WDR64: variants seen among roughly 807,000 people sequenced by gnomAD.
The protein encoded by WDR64 is WD repeat domain 64.
WDR64 carries 112 observed loss-of-function variants against 139.3 expected under a neutral mutation model. The ratio of observed to expected loss-of-function variants is 0.80; its 90% CI spans 0.69 to 0.94. The LOEUF is 0.94. Among genes scored for constraint, WDR64 ranks in the 40% least tolerant of loss-of-function variants. The pLI is 0.00. For missense variants in WDR64, 1,206 were observed against 1,293.1 expected (o/e 0.93, Z 1.03); for synonymous variants, 444 against 437.7 (o/e 1.01, Z -0.18).
At chr1:241,671,052 T>C (rs921101878) in intron 2 of WDR64, 22 bp from the exon 3 acceptor site, 1 of 1,473,284 alleles carries the variant, frequency 6.8e-7, no homozygotes, top group Non-Finnish European at 9.2e-7. Flanking sequence ...TGCATATTTA[T>C]ATGTGCTGTT....
Position 241,703,221 on chromosome 1 carries a change from A to G in WDR64, c.975-8581A>G, listed in dbSNP as rs1667796561. Among the ~76,000 whole-genome samples, 1 of 152,134 alleles carries G rather than the reference A, an allele frequency of 6.6e-6. No individual in the cohort carries two copies. Among genetic ancestry groups the G allele is most frequent in the Non-Finnish European group, 1.5e-5 (1 of 68,030 alleles). ...GCTGACTCAGTAGCCCTGCTTCTTT[A>G]GCAATCACACAGTTCCCCTGGGATG... On this transcript the variant is annotated intron_variant, in intron 8 of 27. Transcript: ENST00000437684. The surrounding 1 kb of genome is among the most constrained non-coding windows in gnomAD (Gnocchi z 5.9).
rs1665605330 is a variant in WDR64 at position 241,656,608 on chromosome 1, A to C, written c.146-3922A>C. 6.6e-6 allele frequency among the ~76,000 whole-genome samples: 1 copy of C among 152,158 alleles called. No homozygotes were observed. Among genetic ancestry groups the C allele is most frequent in the Non-Finnish European group, 1.5e-5 (1 of 68,038 alleles). On this transcript the variant is annotated intron_variant, in intron 1 of 27. Transcript: ENST00000437684. This position sits in a 1 kb window ranked among gnomAD's most constrained non-coding sequence, Gnocchi z 4.3. ...CTTCCCATTGCCTTGCTTTTGGTAA[A>C]TAGATCAACATTTGCTGAGTTTTGA...
At chr1:241,653,834 C>T (rs533430081) in intron 1 of WDR64, among the ~76,000 whole-genome samples, 20 of 152,078 alleles carry the variant, frequency 1.3e-4, no homozygotes, top group Non-Finnish European at 2.8e-4. Context: ...TGTGAGCCAC[C>T]GTGCCCGGCC....
intron 10 of WDR64, among the ~76,000 whole-genome samples, chr1:241,733,449 T>C (rs1464832710): frequency 1.3e-5 from 2 of 151,780 alleles, no homozygotes; most frequent in Non-Finnish European, 2.9e-5. Context: ...CACTCCAGCC[T>C]GGGCGACAAG....
At position 241,789,531 on chromosome 1, in the gene WDR64, G is replaced by A. The variant is rs977159607; in HGVS notation, c.2892-1060G>A. Among the ~76,000 whole-genome samples, 4 of 152,266 alleles carry A rather than the reference G, an allele frequency of 2.6e-5. No individual in the cohort carries two copies. In the East Asian group the frequency reaches 5.8e-4, roughly 22 times the overall value. On this transcript the variant is annotated intron_variant, in intron 24 of 27. Transcript: ENST00000437684. ...AGAAAGTGTGGTACATATACACCAC[G>A]AAATACTATGCACCCATAAAAAAGA...
chr1:241,655,117 G>A (rs1169010540), intron 1 of WDR64, among the ~76,000 whole-genome samples: 1 of 152,150 alleles, frequency 6.6e-6, no homozygotes, highest in African/African-American at 2.4e-5. Flanking sequence ...AGGCGCGGTG[G>A]CTCACGCCTA....
At chr1:241,683,066 G>A (rs1168650259) in intron 6 of WDR64, among the ~76,000 whole-genome samples, 1 of 152,148 alleles carries the variant, frequency 6.6e-6, no homozygotes, top group Non-Finnish European at 1.5e-5. Context: ...TTGGATGGTA[G>A]GATATTTTTT....
chr1:241,759,736 A>T (rs2148281410), intron 15 of WDR64, among the ~76,000 whole-genome samples: 1 of 152,208 alleles, frequency 6.6e-6, no homozygotes, highest in South Asian at 2.1e-4. Flanking sequence ...GTAAAGTAAT[A>T]TTTACCACTT....
At chr1:241,678,569 A>G (rs1485850650) in intron 5 of WDR64, among the ~76,000 whole-genome samples, 1 of 152,220 alleles carries the variant, frequency 6.6e-6, no homozygotes, top group Non-Finnish European at 1.5e-5. Flanking sequence ...CCATGGAAAT[A>G]GTTAGAAAAT....
In WDR64 at chr1:241,656,803, C is replaced by A. The variant is rs1298201304; in HGVS notation, c.146-3727C>A. 6.6e-6 allele frequency among the ~76,000 whole-genome samples: 1 copy of A among 151,892 alleles called. No individual in the cohort carries two copies. Among genetic ancestry groups the A allele is most frequent in the Admixed American group, 6.6e-5 (1 of 15,254 alleles). On this transcript the variant is annotated intron_variant, in intron 1 of 27. Transcript: ENST00000437684. This position sits in a 1 kb window ranked among gnomAD's most constrained non-coding sequence, Gnocchi z 4.3. The stretch of plus-strand genomic sequence containing the variant: ...AAGCAGCGTCCTTGGCCTCTACTCA[C>A]TAGATGCCAGTAGCACACCTACTCC...
intron 1 of WDR64, among the ~76,000 whole-genome samples, chr1:241,659,257 G>C (rs1665731920): frequency 6.6e-6 from 1 of 152,162 alleles, no homozygotes; most frequent in African/African-American, 2.4e-5. Context: ...TTTTATGGCT[G>C]CATAGTATTC....
At chr1:241,677,181 A>T in intron 4 of WDR64, 1 of 395,764 alleles carries the variant, frequency 2.5e-6, no homozygotes, top group Non-Finnish European at 4.4e-6. Flanking sequence ...AATTCAAAAT[A>T]TATCTGTAAG....
chr1:241,704,130 G>T (rs1327143232), intron 8 of WDR64, among the ~76,000 whole-genome samples: 1 of 152,142 alleles, frequency 6.6e-6, no homozygotes, highest in Non-Finnish European at 1.5e-5. Context: ...CTGTGAGTCT[G>T]GTGCCACTCT....
intron 4 of WDR64, among the ~76,000 whole-genome samples, chr1:241,675,092 T>C (rs368811118): frequency 1.8e-4 from 7 of 38,574 alleles, no homozygotes; most frequent in East Asian, 7.9e-4. Context: ...CCTTCATCCT[T>C]CCTCCCTCCC....
intron 7 of WDR64, among the ~76,000 whole-genome samples, chr1:241,684,121 T>C (rs1384553047): frequency 3.9e-5 from 6 of 152,156 alleles, no homozygotes; most frequent in African/African-American, 7.2e-5. Flanking sequence ...AAGAAAAAGT[T>C]TGATAGATTT....
At chr1:241,709,399 G>C (rs1187568793) in intron 8 of WDR64, among the ~76,000 whole-genome samples, 1 of 152,160 alleles carries the variant, frequency 6.6e-6, no homozygotes, top group Non-Finnish European at 1.5e-5. Context: ...GATATTTCTG[G>C]TTATTACCCC....
Position 241,731,972 on chromosome 1 carries a change from T to TTTGAAAATGTAC in WDR64, c.1195-6388_1195-6387insAAAATGTACTTG, listed in dbSNP as rs566418818. Among the ~76,000 whole-genome samples the TTTGAAAATGTAC allele has an allele frequency of 1.6e-4, 25 of 152,308 alleles. No homozygotes were observed. The East Asian group carries it at 4.4e-3, about 27-fold the overall frequency. ...CATACCCTGATTTTCAAATGTACCA[T>TTTGAAAATGTAC]TTGTATGTAGTACTATGTTAACACT... is the stretch of plus-strand genomic sequence containing the variant. On this transcript the variant is annotated intron_variant, in intron 10 of 27. Transcript: ENST00000437684.
chr1:241,709,433 A>T (rs188680240), intron 8 of WDR64, among the ~76,000 whole-genome samples: 12 of 152,188 alleles, frequency 7.9e-5, no homozygotes, highest in Admixed American at 5.2e-4. Flanking sequence ...CTCAAACACA[A>T]CTCCAAAATA....
intron 15 of WDR64, 64 bp from the exon 16 acceptor site, chr1:241,766,154 A>G: frequency 1.3e-6 from 2 of 1,537,030 alleles, no homozygotes; most frequent in East Asian, 4.5e-5. Flanking sequence ...AAGTGTACAC[A>G]TGGCGTTTGC....
Sources: gnomAD v4.1 joint callset for allele counts (sites outside exome capture counted in the v4.1 genomes callset) on GRCh38, gnomAD v4.1.1 for gene constraint, Gnocchi (gnomAD v3.1) non-coding constraint, MANE v1.5 for transcripts, NCBI Gene and HGNC (gene_info 2026-07-23, HGNC 2026-07-21) for gene names.